SCAPER: variants seen among roughly 807,000 people sequenced by gnomAD.
The protein encoded by SCAPER is S-phase cyclin A associated protein in the ER, also known as S phase cyclin A-associated protein in the endoplasmic reticulum.
SCAPER carries 98 observed loss-of-function variants against 182.2 expected under a neutral mutation model. The ratio of observed to expected loss-of-function variants is 0.54; its 90% CI spans 0.46 to 0.64. SCAPER has a LOEUF of 0.64. Among genes scored for constraint, SCAPER ranks in the 30% least tolerant of loss-of-function variants. SCAPER has a pLI of 0.00. For missense variants in SCAPER, 1,432 were observed against 1,690.0 expected, an observed-to-expected ratio of 0.85 and a Z score of 2.68; for synonymous variants, 605 against 564.6, an observed-to-expected ratio of 1.07 and a Z score of -1.01.
intron 22 of SCAPER, among the ~76,000 whole-genome samples, chr15:76,611,237 T>C (rs1473757403): frequency 1.3e-5 from 2 of 151,120 alleles, no homozygotes; most frequent in Admixed American, 1.3e-4. Flanking sequence ...CGAACACCAG[T>C]CTCAAACAAT....
At chr15:76,540,406 A>G (rs1014135009) in intron 23 of SCAPER, among the ~76,000 whole-genome samples, 6 of 152,136 alleles carry the variant, frequency 3.9e-5, no homozygotes. Context: ...GTCTCTAAAA[A>G]AATTTTCTTT....
intron 27 of SCAPER, among the ~76,000 whole-genome samples, chr15:76,388,041 T>C (rs2043403222): frequency 6.6e-6 from 1 of 152,210 alleles, no homozygotes; most frequent in Non-Finnish European, 1.5e-5. Context: ...GTGCACTGTA[T>C]GACTATTCTG....
intron 20 of SCAPER, among the ~76,000 whole-genome samples, chr15:76,679,042 A>C (rs1217011498): frequency 1.3e-5 from 2 of 152,222 alleles, no homozygotes; most frequent in East Asian, 3.8e-4. Flanking sequence ...AAGTACACAG[A>C]GGAACTCTTT....
chr15:76,551,412 T>G (rs2045759023), intron 23 of SCAPER, among the ~76,000 whole-genome samples: 1 of 152,130 alleles, frequency 6.6e-6, no homozygotes, highest in African/African-American at 2.4e-5. Context: ...TATGGCAACC[T>G]GGATACACTT....
intron 4 of SCAPER, among the ~76,000 whole-genome samples, chr15:76,855,052 A>G (rs150400680): frequency 1.4e-3 from 209 of 152,274 alleles, no homozygotes; most frequent in African/African-American, 4.9e-3. Context: ...ACAGTAACCA[A>G]AACAGCATGG....
At chr15:76,698,877 G>C (rs532245182) in intron 20 of SCAPER, among the ~76,000 whole-genome samples, 5 of 152,330 alleles carry the variant, frequency 3.3e-5, no homozygotes, top group South Asian at 2.1e-4. Flanking sequence ...TAACAATACT[G>C]ACTCTTCCTA....
chr15:76,576,048 C>T (rs2047796190), intron 22 of SCAPER, among the ~76,000 whole-genome samples: 1 of 152,134 alleles, frequency 6.6e-6, no homozygotes, highest in Admixed American at 6.5e-5. Context: ...ACAGAGAAAA[C>T]TTCTTCTTTA....
At chr15:76,442,372 G>A (rs761442794) in intron 25 of SCAPER, among the ~76,000 whole-genome samples, 6 of 152,258 alleles carry the variant, frequency 3.9e-5, no homozygotes, top group Non-Finnish European at 8.8e-5. Flanking sequence ...GTTACAATTT[G>A]TCTCTGTAGT....
rs1192137828 is a variant in SCAPER at position 76,600,575 on chromosome 15, G to C, written c.2711+21189C>G. Among the ~76,000 whole-genome samples, 5 of 115,724 alleles carry C rather than the reference G, an allele frequency of 4.3e-5. 2 individuals are homozygous for C. In the Admixed American group the frequency reaches 5.1e-4, roughly 12 times the overall value. 75.9% of individuals were successfully genotyped at this position (115,724 alleles called of 152,430 possible). ...AGCAATTATCCTGCCTCAGCCTCCCGAGTAGCTGGGATTACAGGCACCTGT... is the reference window on the plus strand; with the variant it reads ...AGCAATTATCCTGCCTCAGCCTCCCCAGTAGCTGGGATTACAGGCACCTGT... On this transcript the variant is annotated intron_variant, in intron 22 of 31. Coordinates refer to ENST00000563290, the MANE Select transcript of SCAPER (RefSeq NM_020843.4).
intron 20 of SCAPER, among the ~76,000 whole-genome samples, chr15:76,691,260 G>C (rs1230408041): frequency 1.3e-5 from 2 of 151,744 alleles, no homozygotes; most frequent in Non-Finnish European, 2.9e-5. Flanking sequence ...AATTATTAAA[G>C]AAATTTTCAA....
At position 76,754,335 on chromosome 15, in the gene SCAPER, T is replaced by A. The variant is rs543915310; in HGVS notation, c.1726-387A>T. Among the ~76,000 whole-genome samples the A allele has an allele frequency of 3.3e-5, 5 of 152,192 alleles. No homozygotes were observed. The South Asian group carries it at 1.0e-3, about 32-fold the overall frequency. On this transcript the variant is annotated intron_variant, in intron 14 of 31. Coordinates refer to ENST00000563290, the MANE Select transcript of SCAPER (RefSeq NM_020843.4). ...TTACCATGAGTATGTTTAAAATGAA[T>A]ATAGTGTATAATTCTTGTCCTTATA...
rs866226107 is a variant in SCAPER at position 76,772,006 on chromosome 15, C to T, written c.1036-52G>A. 2.6e-5 allele frequency: 35 copies of T among 1,352,798 alleles called. No homozygotes were observed. The African/African-American group carries it at 2.6e-4, about 10-fold the overall frequency. The allele number at this position is 1,352,798 out of a possible 1,614,324, so 83.8% of individuals were successfully genotyped here. A position where few individuals can be genotyped will look rare whatever the true frequency, so the allele number is the denominator to read the frequency against. On this transcript the variant is annotated intron_variant, in intron 9 of 31. Coordinates refer to ENST00000563290, the MANE Select transcript of SCAPER (RefSeq NM_020843.4). Reference sequence around the variant, plus strand: ...AGATAATTAAAAAATACCAACTATTCCACTTTAGAAGAAGAGATGATTTTG... The same window carrying T: ...AGATAATTAAAAAATACCAACTATTTCACTTTAGAAGAAGAGATGATTTTG...
At chr15:76,732,867 T>A (rs2061005318) in intron 16 of SCAPER, among the ~76,000 whole-genome samples, 1 of 152,184 alleles carries the variant, frequency 6.6e-6, no homozygotes, top group Admixed American at 6.5e-5. Context: ...GTAAGCTGTC[T>A]CTCTCTCTCC....
At chr15:76,517,944 T>C (rs897723532) in intron 23 of SCAPER, among the ~76,000 whole-genome samples, 5 of 151,526 alleles carry the variant, frequency 3.3e-5, no homozygotes, top group Admixed American at 2.0e-4. Context: ...TCAAAGAATA[T>C]AAAGGAATGT....
chr15:76,835,934 A>C (rs867136949), intron 5 of SCAPER, among the ~76,000 whole-genome samples: 2 of 32,540 alleles, frequency 6.1e-5, no homozygotes, highest in African/African-American at 1.5e-4. Flanking sequence ...CATTAGCCAC[A>C]AAAAAAAAAA....
chr15:76,837,642 T>C (rs2069075260), intron 5 of SCAPER, among the ~76,000 whole-genome samples: 1 of 152,160 alleles, frequency 6.6e-6, no homozygotes, highest in African/African-American at 2.4e-5. Context: ...CCAAACCATA[T>C]CAAATGCTCA....
At chr15:76,650,741 C>A (rs1041854647) in intron 21 of SCAPER, among the ~76,000 whole-genome samples, 1 of 151,930 alleles carries the variant, frequency 6.6e-6, no homozygotes. Flanking sequence ...AGTAAATAAG[C>A]AATATTGTCC....
intron 5 of SCAPER, among the ~76,000 whole-genome samples, chr15:76,830,102 GAGA>G (rs2151706641): frequency 6.6e-6 from 1 of 152,262 alleles, no homozygotes; most frequent in East Asian, 1.9e-4. Context: ...GTTGGGCAAG[GAGA>G]AGGAGGGAAG....
intron 14 of SCAPER, among the ~76,000 whole-genome samples, chr15:76,756,110 G>T (rs2062409204): frequency 6.6e-6 from 1 of 152,056 alleles, no homozygotes; most frequent in African/African-American, 2.4e-5. Flanking sequence ...CAGGTGTGGT[G>T]GTGCACGCCT....
Sources: gnomAD v4.1 joint callset for allele counts (sites outside exome capture counted in the v4.1 genomes callset) on GRCh38, gnomAD v4.1.1 for gene constraint, MANE v1.5 for transcripts, NCBI Gene and HGNC (gene_info 2026-07-23, HGNC 2026-07-21) for gene names.